KATNIP: variants seen among roughly 807,000 people sequenced by gnomAD.
KATNIP encodes katanin-interacting protein.
KATNIP carries 126 observed loss-of-function variants against 174.0 expected under a neutral mutation model. The observed-to-expected ratio is 0.72, with a 90% CI of 0.63 to 0.84. The LOEUF is 0.84. Ranked by LOEUF, KATNIP falls within the 40% of genes least tolerant of loss-of-function variation. KATNIP has a pLI of 0.00. For synonymous variants in KATNIP, 810 were observed against 835.7 expected, an observed-to-expected ratio of 0.97 and a Z score of 0.53; for missense variants, 1,958 against 2,109.7, an observed-to-expected ratio of 0.93 and a Z score of 1.41.
At chr16:27,662,103 T>TATACACAC (rs2077545585) in intron 6 of KATNIP, among the ~76,000 whole-genome samples, 2 of 131,786 alleles carry the variant, frequency 1.5e-5, no homozygotes, top group Non-Finnish European at 3.1e-5. Flanking sequence ...TACATATATA[T>TATACACAC]ATATATATAT....
intron 8 of KATNIP, among the ~76,000 whole-genome samples, chr16:27,697,325 G>A (rs975394241): frequency 2.0e-5 from 3 of 152,060 alleles, no homozygotes; most frequent in Non-Finnish European, 4.4e-5. Context: ...CTATCTGTTA[G>A]ATTTTTACTT....
At chr16:27,692,881 T>C (rs2078785215) in intron 8 of KATNIP, among the ~76,000 whole-genome samples, 1 of 152,166 alleles carries the variant, frequency 6.6e-6, no homozygotes, top group Non-Finnish European at 1.5e-5. Flanking sequence ...ATAGTGCAGG[T>C]CGTAAGCCTG....
intron 18 of KATNIP, among the ~76,000 whole-genome samples, chr16:27,757,209 C>T (rs944763574): frequency 5.3e-5 from 8 of 152,178 alleles, no homozygotes; most frequent in African/African-American, 1.2e-4. Context: ...CTCAGCCTCC[C>T]GAGTAGCTGG....
At chr16:27,601,333 G>A (rs1351921376) in intron 2 of KATNIP, among the ~76,000 whole-genome samples, 1 of 152,220 alleles carries the variant, frequency 6.6e-6, no homozygotes, top group Non-Finnish European at 1.5e-5. Flanking sequence ...GCTACTGGGT[G>A]AGGAGGCAGA....
intron 3 of KATNIP, among the ~76,000 whole-genome samples, chr16:27,624,717 G>A (rs1246447474): frequency 6.6e-6 from 1 of 152,168 alleles, no homozygotes; most frequent in Non-Finnish European, 1.5e-5. Flanking sequence ...CTACTCGAGA[G>A]GCTGAGGTGG....
intron 6 of KATNIP, among the ~76,000 whole-genome samples, chr16:27,667,527 T>C (rs1319354313): frequency 6.6e-6 from 1 of 152,160 alleles, no homozygotes; most frequent in Non-Finnish European, 1.5e-5. Context: ...CTCCCAGTTT[T>C]ACAAAACTGC....
intron 5 of KATNIP, among the ~76,000 whole-genome samples, chr16:27,636,557 G>C (rs1258234218): frequency 6.6e-6 from 1 of 151,990 alleles, no homozygotes; most frequent in African/African-American, 2.4e-5. Context: ...GTGCCCTGGA[G>C]CTGGCTGTGT....
intron 1 of KATNIP, among the ~76,000 whole-genome samples, chr16:27,564,384 C>T (rs2090007126): frequency 6.6e-6 from 1 of 152,122 alleles, no homozygotes; most frequent in South Asian, 2.1e-4. Context: ...TCTCAGCCGC[C>T]ACACAGCATT....
chr16:27,725,179 G>A (rs1158568614), intron 14 of KATNIP, among the ~76,000 whole-genome samples: 1 of 152,162 alleles, frequency 6.6e-6, no homozygotes, highest in Non-Finnish European at 1.5e-5. Context: ...GCACCCTGTG[G>A]GCACTCAGTA....
chr16:27,683,540 G>A (rs1330564069), intron 8 of KATNIP, among the ~76,000 whole-genome samples: 1 of 152,158 alleles, frequency 6.6e-6, no homozygotes, highest in Non-Finnish European at 1.5e-5. Context: ...GGTTCCTGCA[G>A]CCAATAGCGT....
intron 19 of KATNIP, among the ~76,000 whole-genome samples, chr16:27,765,879 G>A (rs1355266375): frequency 2.6e-5 from 4 of 152,010 alleles, no homozygotes; most frequent in Non-Finnish European, 4.4e-5. Flanking sequence ...CTTTTAGGTT[G>A]TTATCCTTTT....
In KATNIP at chr16:27,715,323, C is replaced by T. The variant is rs531107256; in HGVS notation, c.1606-6235C>T. On this transcript the variant is annotated intron_variant, in intron 13 of 27. Transcript: ENST00000261588. ...AAAGACCTAAATGTAAGAGCTAAAA[C>T]TTTCAAACTCTTAGAAGAAGACAAA... Among the ~76,000 whole-genome samples, 8 of 152,310 alleles carry T rather than the reference C, an allele frequency of 5.3e-5. No individual in the cohort carries two copies. The East Asian group carries it at 1.5e-3, about 29-fold the overall frequency.
chr16:27,778,468 G>A lies in KATNIP; in HGVS notation c.4802-106G>A, dbSNP rs1001863329. The A allele has an allele frequency of 1.0e-5, 12 of 1,147,742 alleles. No individual in the cohort carries two copies. The East Asian group carries it at 2.7e-4, about 26-fold the overall frequency. 71.1% of individuals were successfully genotyped at this position (1,147,742 alleles called of 1,614,324 possible). A position where few individuals can be genotyped will look rare whatever the true frequency, so the allele number is the denominator to read the frequency against. ...CCCGAGAGCAGGGACTTTTCCAAGG[G>A]CCTTGAATGGCAACCCAGGCTGCTG... On this transcript the variant is annotated intron_variant, in intron 27 of 27. Transcript: ENST00000261588.
At chr16:27,648,861 C>T in intron 6 of KATNIP, 126 bp downstream of exon 6, 1 of 1,124,852 alleles carries the variant, frequency 8.9e-7, no homozygotes, top group East Asian at 2.6e-5. Flanking sequence ...TGTGTTCCTT[C>T]ACTCTTGCGT....
chr16:27,699,450 T>G, intron 9 of KATNIP, 84 bp from the exon 10 acceptor site: 1 of 1,576,178 alleles, frequency 6.3e-7, no homozygotes, highest in Non-Finnish European at 8.6e-7. Context: ...GTCCCTGCCC[T>G]TTTCTGTGCC....
At chr16:27,673,352 C>A (rs1237311856) in intron 6 of KATNIP, among the ~76,000 whole-genome samples, 3 of 152,168 alleles carry the variant, frequency 2.0e-5, no homozygotes, top group Non-Finnish European at 4.4e-5. Flanking sequence ...CCTAGGAACT[C>A]ATGTTGCCCT....
At chr16:27,743,743 T>G (rs2081189265) in intron 15 of KATNIP, among the ~76,000 whole-genome samples, 1 of 152,144 alleles carries the variant, frequency 6.6e-6, no homozygotes, top group Admixed American at 6.5e-5. Flanking sequence ...TCAGGTCACA[T>G]AGACAGTAAG....
intron 2 of KATNIP, among the ~76,000 whole-genome samples, chr16:27,598,735 C>T (rs1222269985): frequency 6.6e-6 from 1 of 152,168 alleles, no homozygotes; most frequent in African/African-American, 2.4e-5. Flanking sequence ...GCTATCTAAG[C>T]GTTCCCAGGA....
chr16:27,597,497 A>G (rs1479442802), intron 2 of KATNIP, among the ~76,000 whole-genome samples: 3 of 126,316 alleles, frequency 2.4e-5, no homozygotes, highest in Non-Finnish European at 4.7e-5. Context: ...TAACTTGCCT[A>G]TTCTCCCTGG....
Sources: allele counts gnomAD v4.1 joint callset (sites outside exome capture counted in the v4.1 genomes callset), GRCh38; gene constraint gnomAD v4.1.1; transcripts MANE v1.5; gene names NCBI Gene and HGNC (gene_info 2026-07-23, HGNC 2026-07-21).